JAZF1: variants seen among roughly 807,000 people sequenced by gnomAD.
JAZF1 encodes the protein juxtaposed with another zinc finger protein 1.
Under a neutral mutation model 26.4 loss-of-function variants are expected in JAZF1, and 8 were observed. The ratio of observed to expected loss-of-function variants is 0.30; its 90% CI spans 0.18 to 0.55. The LOEUF (loss-of-function observed/expected upper bound fraction) is 0.55. Among genes scored for constraint, JAZF1 ranks in the 20% least tolerant of loss-of-function variants. The probability of loss-of-function intolerance (pLI) is 0.94; values close to 1 mark genes in which losing one functional copy is unlikely to be tolerated. For missense variants in JAZF1, 199 were observed against 322.0 expected (o/e 0.62, Z 2.92); for synonymous variants, 126 against 122.3 (o/e 1.03, Z -0.20).
chr7:27,933,063 T>G (rs1392514807), intron 2 of JAZF1, among the ~76,000 whole-genome samples: 3 of 152,170 alleles, frequency 2.0e-5, no homozygotes, highest in Non-Finnish European at 4.4e-5. Context: ...CTCTGTGGAA[T>G]GGGTATTATT....
intron 1 of JAZF1, among the ~76,000 whole-genome samples, chr7:28,052,967 T>A (rs1039310888): frequency 9.2e-5 from 14 of 152,224 alleles, no homozygotes; most frequent in African/African-American, 3.4e-4. Context: ...ATGGAAACTC[T>A]ATACAATTAA....
intron 1 of JAZF1, among the ~76,000 whole-genome samples, chr7:28,107,823 G>A (rs1784578121): frequency 6.6e-6 from 1 of 152,162 alleles, no homozygotes; most frequent in South Asian, 2.1e-4. Flanking sequence ...CCACTTTACA[G>A]ACCCTACGAT....
chr7:28,153,516 A>G (rs1041189501), intron 1 of JAZF1, among the ~76,000 whole-genome samples: 1 of 152,224 alleles, frequency 6.6e-6, no homozygotes, highest in African/African-American at 2.4e-5. Context: ...GTTCAGTTCT[A>G]GATGACGATA....
intron 1 of JAZF1, among the ~76,000 whole-genome samples, chr7:28,076,923 A>T (rs1784060537): frequency 1.3e-5 from 2 of 152,232 alleles, no homozygotes; most frequent in Admixed American, 1.3e-4. Flanking sequence ...GTCAAGTGGG[A>T]TTTTGCTCTC....
chr7:28,068,759 A>G (rs572582368), intron 1 of JAZF1, among the ~76,000 whole-genome samples: 1 of 152,356 alleles, frequency 6.6e-6, no homozygotes, highest in East Asian at 1.9e-4. Context: ...ACTGGTAAAC[A>G]ATGTTGACAC....
intron 1 of JAZF1, among the ~76,000 whole-genome samples, chr7:28,115,712 C>T (rs191195033): frequency 5.1e-4 from 78 of 152,140 alleles, no homozygotes; most frequent in African/African-American, 1.7e-3. Flanking sequence ...AAGAGTATTG[C>T]CCCCTGCCTC....
chr7:28,170,122 T>C (rs1174287028), intron 1 of JAZF1, among the ~76,000 whole-genome samples: 1 of 151,648 alleles, frequency 6.6e-6, no homozygotes, highest in Non-Finnish European at 1.5e-5. Context: ...AAAAAAAAAA[T>C]CTTTAAAATA....
Position 27,970,552 on chromosome 7 carries a change from C to T in JAZF1, c.188+21357G>A, listed in dbSNP as rs115139067. Among the ~76,000 whole-genome samples the T allele has an allele frequency of 5.2e-3, 799 of 152,260 alleles. 9 individuals carry two copies. The highest frequency in any genetic ancestry group is 0.018 in the African/African-American group (759 of 41,542). ...AATTATGAGTATATGGAATGAGTCA[C>T]AGTATTTTTACAGTATCTACGCATG... On this transcript the variant is annotated intron_variant, in intron 2 of 4. Coordinates refer to ENST00000283928, the MANE Select transcript of JAZF1 (RefSeq NM_175061.4).
At chr7:27,877,467 T>C (rs994383142) in intron 3 of JAZF1, among the ~76,000 whole-genome samples, 1 of 152,088 alleles carries the variant, frequency 6.6e-6, no homozygotes, top group Non-Finnish European at 1.5e-5. Context: ...TCACAACTAT[T>C]TTCACCTCAG....
Position 28,034,235 on chromosome 7 carries a change from T to C in JAZF1, c.116-42254A>G, listed in dbSNP as rs1783246526. On this transcript the variant is annotated intron_variant, in intron 1 of 4. Coordinates refer to ENST00000283928, the MANE Select transcript of JAZF1 (RefSeq NM_175061.4). ...ACACACACGAAGTTTAAGTAGAACC[T>C]TACTTAAGCAATTTGAGTCAAAGGA... Among the ~76,000 whole-genome samples the C allele has an allele frequency of 1.3e-5, 2 of 151,020 alleles. 1 individual carries two copies. Among genetic ancestry groups the C allele is most frequent in the Middle Eastern group, 7.1e-3 (2 of 282 alleles).
intron 3 of JAZF1, among the ~76,000 whole-genome samples, chr7:27,877,547 C>T (rs1319554142): frequency 6.6e-6 from 1 of 152,130 alleles, no homozygotes; most frequent in African/African-American, 2.4e-5. Flanking sequence ...TAACTTTCAC[C>T]TACCCTAGGA....
At chr7:27,972,004 G>A (rs1785381998) in intron 2 of JAZF1, among the ~76,000 whole-genome samples, 1 of 152,040 alleles carries the variant, frequency 6.6e-6, no homozygotes, top group Admixed American at 6.5e-5. Flanking sequence ...GTGTAACAGT[G>A]TACTACCTAC....
In JAZF1 at chr7:28,152,777, G is replaced by A. The variant is rs114328498; in HGVS notation, c.115+27686C>T. Among the ~76,000 whole-genome samples, 787 of 152,296 alleles carry A rather than the reference G, an allele frequency of 5.2e-3. 5 individuals carry two copies. Among genetic ancestry groups the A allele is most frequent in the African/African-American group, 0.018 (745 of 41,558 alleles). The stretch of plus-strand genomic sequence containing the variant: ...GAGGCGAAATTCAGCTAGGTCTATT[G>A]ACACAGGACAGGAAAAGGAAGAAGG... On this transcript the variant is annotated intron_variant, in intron 1 of 4. Coordinates refer to ENST00000283928, the MANE Select transcript of JAZF1 (RefSeq NM_175061.4).
intron 1 of JAZF1, among the ~76,000 whole-genome samples, chr7:28,077,807 A>G (rs997674117): frequency 2.6e-5 from 4 of 152,202 alleles, no homozygotes; most frequent in African/African-American, 9.7e-5. Context: ...CTACTTAAAG[A>G]GCTGGAGCTC....
chr7:28,005,757 T>C (rs1388182170), intron 1 of JAZF1, among the ~76,000 whole-genome samples: 1 of 152,030 alleles, frequency 6.6e-6, no homozygotes, highest in Non-Finnish European at 1.5e-5. Flanking sequence ...TCGCTGATGG[T>C]GTGAATTTGG....
chr7:28,065,188 T>G (rs1388445903), intron 1 of JAZF1, among the ~76,000 whole-genome samples: 1 of 152,038 alleles, frequency 6.6e-6, no homozygotes, highest in African/African-American at 2.4e-5. Context: ...GGAGTAAGAT[T>G]TGGGGGTGGT....
chr7:28,168,789 C>T (rs956936898), intron 1 of JAZF1, among the ~76,000 whole-genome samples: 30 of 152,244 alleles, frequency 2.0e-4, no homozygotes, highest in Non-Finnish European at 2.9e-5. Context: ...AATGGACACA[C>T]ACCTTTAAAA....
intron 2 of JAZF1, among the ~76,000 whole-genome samples, chr7:27,915,369 T>C (rs1232588694): frequency 2.0e-5 from 3 of 152,248 alleles, no homozygotes; most frequent in Non-Finnish European, 4.4e-5. Flanking sequence ...TAGCTCAGCC[T>C]GACTTCATCT....
chr7:28,117,159 T>C (rs1165518789), intron 1 of JAZF1, among the ~76,000 whole-genome samples: 3 of 152,232 alleles, frequency 2.0e-5, no homozygotes, highest in Non-Finnish European at 4.4e-5. Context: ...TGCAAATAGT[T>C]TCTTCTCTGA....
Sources: allele counts gnomAD v4.1 joint callset (sites outside exome capture counted in the v4.1 genomes callset), GRCh38; gene constraint gnomAD v4.1.1; transcripts MANE v1.5; gene names NCBI Gene and HGNC (gene_info 2026-07-23, HGNC 2026-07-21).